MAN1A1: variants seen among roughly 807,000 people sequenced by gnomAD.
MAN1A1 encodes mannosidase alpha class 1A member 1.
Under a neutral mutation model 70.8 loss-of-function variants are expected in MAN1A1, and 29 were observed. That is an observed-to-expected ratio of 0.41 (90% confidence interval 0.31 to 0.56). The LOEUF is 0.56. Among genes scored for constraint, MAN1A1 ranks in the 20% least tolerant of loss-of-function variants. The pLI is 0.29. For synonymous variants in MAN1A1, 349 were observed against 330.1 expected (o/e 1.06, Z -0.62); for missense variants, 747 against 841.3 (o/e 0.89, Z 1.39).
intron 7 of MAN1A1, among the ~76,000 whole-genome samples, chr6:119,204,381 G>A (rs930475750): frequency 2.6e-5 from 4 of 152,204 alleles, no homozygotes; most frequent in Admixed American, 6.5e-5. Context: ...TTCGGAAAAC[G>A]AGGGACCAAT....
In MAN1A1 at chr6:119,290,829, T is replaced by C. The variant is rs1038639693; in HGVS notation, c.817-66A>G. 1.0e-5 allele frequency: 10 copies of C among 977,392 alleles called. No individual in the cohort carries two copies. The African/African-American group carries it at 1.5e-4, about 14-fold the overall frequency. 60.5% of individuals were successfully genotyped at this position (977,392 alleles called of 1,614,324 possible). On this transcript the variant is annotated intron_variant, in intron 4 of 12. Coordinates refer to ENST00000368468, the MANE Select transcript of MAN1A1 (RefSeq NM_005907.4). ...TTCAGAAAACCATTATTGTGATAAA[T>C]TATACTAAATACTTAAATTTTGTTC...
At chr6:119,193,231 T>C (rs1028668406) in intron 9 of MAN1A1, among the ~76,000 whole-genome samples, 1 of 152,112 alleles carries the variant, frequency 6.6e-6, no homozygotes, top group Non-Finnish European at 1.5e-5. Flanking sequence ...GCTTAGCACA[T>C]GGTAGGCAAT....
rs1189391848 is a variant in MAN1A1 at position 119,183,180 on chromosome 6, A to G, written c.1720-2753T>C. 2.6e-5 allele frequency among the ~76,000 whole-genome samples: 4 copies of G among 152,244 alleles called. No homozygotes were observed. In the East Asian group the frequency reaches 7.7e-4, roughly 29 times the overall value. ...AGAGAGCAGAGAGACTATGAGGAGA[A>G]GCATTTAATTACCTGGTTAAAGAAA... On this transcript the variant is annotated intron_variant, in intron 11 of 12. Transcript: ENST00000368468.
At position 119,349,194 on chromosome 6, in the gene MAN1A1, A is replaced by T. The variant is rs1227287996; in HGVS notation, c.-129T>A. Reference sequence around the variant, plus strand: ...CCCGACCCCCTCGGCTGGGCTGCGGATCCTCCCTGGGGGAACAACTCCGCG... The same window carrying T: ...CCCGACCCCCTCGGCTGGGCTGCGGTTCCTCCCTGGGGGAACAACTCCGCG... On this transcript the variant is annotated 5_prime_UTR_variant, in exon 2 of 13. Transcript: ENST00000368468. 4 of 1,227,090 alleles carry T rather than the reference A, an allele frequency of 3.3e-6. No individual in the cohort carries two copies. Among genetic ancestry groups the T allele is most frequent in the African/African-American group, 1.6e-5 (1 of 63,654 alleles). The allele number at this position is 1,227,090 out of a possible 1,614,324, so 76.0% of individuals were successfully genotyped here.
At chr6:119,265,078 A>T (rs950338710) in intron 5 of MAN1A1, among the ~76,000 whole-genome samples, 4 of 148,016 alleles carry the variant, frequency 2.7e-5, no homozygotes, top group Non-Finnish European at 4.5e-5. Flanking sequence ...TACATTTTGG[A>T]CTTCTTTTAA....
At chr6:119,323,533 C>T (rs535482154) in intron 2 of MAN1A1, among the ~76,000 whole-genome samples, 1 of 152,132 alleles carries the variant, frequency 6.6e-6, no homozygotes, top group Admixed American at 6.5e-5. Flanking sequence ...TGATGAACAA[C>T]TGCAGGTTAT....
Position 119,349,724 on chromosome 6 carries a change from A to G in MAN1A1, c.-405T>C, listed in dbSNP as rs534563748. 64 of 985,808 alleles carry G rather than the reference A, an allele frequency of 6.5e-5. No individual in the cohort carries two copies. The African/African-American group carries it at 1.1e-3, about 16-fold the overall frequency. 61.1% of individuals were successfully genotyped at this position (985,808 alleles called of 1,614,324 possible). ...CCTGCGGGCGAATGGCAGCGAGTAG[A>G]GCAGCACGGTACACTCCGCCGCGGC... On this transcript the variant is annotated 5_prime_UTR_variant, in exon 1 of 13. Transcript: ENST00000368468.
chr6:119,283,183 C>G (rs983987312), intron 5 of MAN1A1, among the ~76,000 whole-genome samples: 1 of 152,190 alleles, frequency 6.6e-6, no homozygotes, highest in African/African-American at 2.4e-5. Flanking sequence ...CATCACCTTA[C>G]TACATTACAT....
At chr6:119,202,193 C>A (rs1043714198) in intron 7 of MAN1A1, among the ~76,000 whole-genome samples, 2 of 151,792 alleles carry the variant, frequency 1.3e-5, no homozygotes, top group Non-Finnish European at 2.9e-5. Flanking sequence ...ATAGTTGTAC[C>A]AAAATATTTT....
At chr6:119,214,765 C>CA (rs1463378339) in intron 6 of MAN1A1, among the ~76,000 whole-genome samples, 2 of 152,124 alleles carry the variant, frequency 1.3e-5, no homozygotes, top group Non-Finnish European at 2.9e-5. Flanking sequence ...CTTGGCCTCC[C>CA]AAAGTGCTGA....
chr6:119,310,592 C>T (rs899296440), intron 2 of MAN1A1, among the ~76,000 whole-genome samples: 1 of 152,050 alleles, frequency 6.6e-6, no homozygotes, highest in Non-Finnish European at 1.5e-5. Flanking sequence ...ATGAGTCAAC[C>T]CAACCATCCA....
chr6:119,245,880 C>T (rs1299437119), intron 6 of MAN1A1, among the ~76,000 whole-genome samples: 8 of 151,998 alleles, frequency 5.3e-5, no homozygotes, highest in East Asian at 1.9e-4. Context: ...CAAAATACTG[C>T]GCAAAATGAA....
chr6:119,197,914 G>A (rs76894539), intron 8 of MAN1A1, among the ~76,000 whole-genome samples: 4,057 of 152,182 alleles, frequency 0.027, 81 homozygotes, highest in Non-Finnish European at 0.039. Context: ...AAGGTGAAGC[G>A]GAGATGTTCC....
At chr6:119,271,663 C>CAA (rs199862900) in intron 5 of MAN1A1, among the ~76,000 whole-genome samples, 111 of 141,374 alleles carry the variant, frequency 7.9e-4, no homozygotes, top group African/African-American at 2.9e-3. Context: ...CTACACCTAG[C>CAA]TATTTTTTTT....
intron 6 of MAN1A1, among the ~76,000 whole-genome samples, chr6:119,237,093 A>G (rs1774866016): frequency 1.3e-5 from 2 of 152,312 alleles, no homozygotes; most frequent in African/African-American, 2.4e-5. Flanking sequence ...TAAAACTTTC[A>G]TGGATGAGGA....
At chr6:119,201,398 T>C (rs760167754) in intron 7 of MAN1A1, 51 bp from the exon 8 acceptor site, 3 of 1,204,130 alleles carry the variant, frequency 2.5e-6, no homozygotes, top group Non-Finnish European at 3.7e-6. Flanking sequence ...ACAATTTTCA[T>C]GCCATTCTTC....
chr6:119,340,471 G>C (rs146044178), intron 2 of MAN1A1, among the ~76,000 whole-genome samples: 73 of 152,296 alleles, frequency 4.8e-4, no homozygotes, highest in Non-Finnish European at 5.4e-4. Context: ...CATTTAATGA[G>C]GAAGGATTTG....
chr6:119,238,342 G>A (rs1774912695), intron 6 of MAN1A1, among the ~76,000 whole-genome samples: 1 of 152,168 alleles, frequency 6.6e-6, no homozygotes, highest in African/African-American at 2.4e-5. Context: ...GGCTTTGCAA[G>A]TAGATTAATT....
chr6:119,217,349 T>G (rs1358230043), intron 6 of MAN1A1, among the ~76,000 whole-genome samples: 1 of 152,190 alleles, frequency 6.6e-6, no homozygotes, highest in African/African-American at 2.4e-5. Flanking sequence ...TGGCCCAGTT[T>G]CGGCTCACTG....
Sources: allele counts gnomAD v4.1 joint callset (sites outside exome capture counted in the v4.1 genomes callset), GRCh38; gene constraint gnomAD v4.1.1; transcripts MANE v1.5; gene names NCBI Gene and HGNC (gene_info 2026-07-23, HGNC 2026-07-21).